Variants in CTIF observed in about 807,000 individuals in gnomAD.
CTIF encodes the protein cap binding complex dependent translation initiation factor.
A neutral mutation model predicts 66.0 loss-of-function variants in CTIF; 21 were observed. The ratio of observed to expected loss-of-function variants is 0.32; its 90% CI spans 0.23 to 0.46. CTIF has a LOEUF of 0.46. Among genes scored for constraint, CTIF ranks in the 20% least tolerant of loss-of-function variants. The pLI is 1.00. For synonymous variants in CTIF, 345 were observed against 326.4 expected, an observed-to-expected ratio of 1.06 and a Z score of -0.62; for missense variants, 739 against 812.7, an observed-to-expected ratio of 0.91 and a Z score of 1.10.
chr18:48,575,699 CG>C (rs151262096), intron 1 of CTIF, among the ~76,000 whole-genome samples: 10,579 of 152,300 alleles, frequency 0.069, 472 homozygotes, highest in African/African-American at 0.11. Context: ...AGGCTCAGAC[CG>C]GGGCCGTCCT....
chr18:48,790,363 C>A (rs570500785), intron 9 of CTIF, among the ~76,000 whole-genome samples: 1 of 152,184 alleles, frequency 6.6e-6, no homozygotes, highest in African/African-American at 2.4e-5. Context: ...GGAGTTACAG[C>A]GGTGCTTCTT....
At chr18:48,655,472 G>A (rs1257297033) in intron 3 of CTIF, among the ~76,000 whole-genome samples, 2 of 152,162 alleles carry the variant, frequency 1.3e-5, no homozygotes, top group Non-Finnish European at 2.9e-5. Context: ...CATGAAGTGA[G>A]AGAACCGTAT....
chr18:48,843,472 A>G (rs1262582023), intron 10 of CTIF, among the ~76,000 whole-genome samples: 1 of 152,020 alleles, frequency 6.6e-6, no homozygotes. Context: ...TCTCTAGGCC[A>G]TGGGACACTC....
At chr18:48,669,793 T>TATATACA (rs1568120522) in intron 5 of CTIF, among the ~76,000 whole-genome samples, 2 of 47,252 alleles carry the variant, frequency 4.2e-5, no homozygotes, top group Non-Finnish European at 7.8e-5. Context: ...AGCTAAACAT[T>TATATACA]TATATATATA....
intron 3 of CTIF, among the ~76,000 whole-genome samples, chr18:48,650,901 A>G (rs975675067): frequency 6.6e-6 from 1 of 152,228 alleles, no homozygotes; most frequent in African/African-American, 2.4e-5. Flanking sequence ...ACTAAGCTTC[A>G]CAAGAGAAGG....
At chr18:48,710,241 G>A (rs1448442593) in intron 6 of CTIF, among the ~76,000 whole-genome samples, 1 of 152,220 alleles carries the variant, frequency 6.6e-6, no homozygotes, top group Non-Finnish European at 1.5e-5. Context: ...CTGGGCCTTG[G>A]GCTCCCTGCC....
At chr18:48,638,533 C>T (rs910980165) in intron 3 of CTIF, among the ~76,000 whole-genome samples, 1 of 152,120 alleles carries the variant, frequency 6.6e-6, no homozygotes, top group Non-Finnish European at 1.5e-5. Flanking sequence ...GCTGTCCTCT[C>T]GGGTCTGCCT....
intron 3 of CTIF, among the ~76,000 whole-genome samples, chr18:48,639,812 G>A (rs1394040663): frequency 1.3e-5 from 2 of 152,122 alleles, no homozygotes; most frequent in Admixed American, 6.5e-5. Context: ...CCTTGGCCAC[G>A]TGGCCCATGG....
intron 9 of CTIF, among the ~76,000 whole-genome samples, chr18:48,792,198 G>A (rs566695809): frequency 6.6e-5 from 10 of 152,232 alleles, no homozygotes; most frequent in South Asian, 2.1e-4. Context: ...GGAGTGAGCC[G>A]TGCAGACCTG....
chr18:48,729,467 A>G (rs1388677094), intron 7 of CTIF, among the ~76,000 whole-genome samples: 2 of 152,188 alleles, frequency 1.3e-5, no homozygotes, highest in Non-Finnish European at 2.9e-5. Context: ...CAACACAAAT[A>G]AAGATGGCTC....
At chr18:48,724,697 C>G (rs2092370946) in intron 7 of CTIF, among the ~76,000 whole-genome samples, 1 of 152,196 alleles carries the variant, frequency 6.6e-6, no homozygotes, top group Non-Finnish European at 1.5e-5. Flanking sequence ...CTGGGCTCAC[C>G]TGAAGCAGGT....
chr18:48,724,969 G>A (rs1258487887), intron 7 of CTIF, among the ~76,000 whole-genome samples: 1 of 152,238 alleles, frequency 6.6e-6, no homozygotes, highest in African/African-American at 2.4e-5. Flanking sequence ...TCTAATTTTA[G>A]GCTTATTACT....
chr18:48,626,547 C>G (rs1000891855), intron 2 of CTIF, among the ~76,000 whole-genome samples: 3 of 149,446 alleles, frequency 2.0e-5, no homozygotes, highest in African/African-American at 7.4e-5. Flanking sequence ...CGGAGTTTCA[C>G]TATGTTGGCC....
chr18:48,595,558 C>T (rs1279058172), intron 1 of CTIF, among the ~76,000 whole-genome samples: 1 of 152,070 alleles, frequency 6.6e-6, no homozygotes, highest in Non-Finnish European at 1.5e-5. Context: ...TCCCAAATGG[C>T]TGGGACCAGC....
intron 6 of CTIF, chr18:48,688,234 C>T (rs759448388): frequency 2.6e-5 from 4 of 152,334 alleles, no homozygotes; most frequent in Non-Finnish European, 5.9e-5. Context: ...GGCAAGGGCT[C>T]TGGGTGCATC....
intron 5 of CTIF, among the ~76,000 whole-genome samples, chr18:48,664,908 TC>T (rs57608363): frequency 0.2 from 5,364 of 26,328 alleles, 200 homozygotes; most frequent in East Asian, 0.52. Flanking sequence ...TGTGTTTCTT[TC>T]TTTTTTTTTT....
chr18:48,608,959 G>A (rs150430010), intron 1 of CTIF, among the ~76,000 whole-genome samples: 1 of 152,232 alleles, frequency 6.6e-6, no homozygotes, highest in East Asian at 1.9e-4. Flanking sequence ...CCAGGTGCTT[G>A]TGGACACATT....
At chr18:48,636,470 T>G in intron 2 of CTIF, 144 bp from the exon 3 acceptor site, 5 of 517,578 alleles carry the variant, frequency 9.7e-6, no homozygotes, top group Admixed American at 4.3e-5. Context: ...GTCTGATGGT[T>G]GAGAAAGATT....
chr18:48,553,968 C>T (rs991937009), intron 1 of CTIF, among the ~76,000 whole-genome samples: 22 of 152,234 alleles, frequency 1.4e-4, no homozygotes, highest in Middle Eastern at 3.4e-3. Flanking sequence ...TGATTCTCTG[C>T]GGCCCACTCA....
Sources: gnomAD v4.1 joint callset for allele counts (sites outside exome capture counted in the v4.1 genomes callset) on GRCh38, gnomAD v4.1.1 for gene constraint, MANE v1.5 for transcripts, NCBI Gene and HGNC (gene_info 2026-07-23, HGNC 2026-07-21) for gene names.